The following AGBL1 variants were observed in gnomAD, a reference collection of about 807,000 sequenced individuals.
AGBL1 encodes cytosolic carboxypeptidase 4.
Under a neutral mutation model 118.9 loss-of-function variants are expected in AGBL1, and 130 were observed. The ratio of observed to expected loss-of-function variants is 1.09; its 90% CI spans 0.95 to 1.26. AGBL1 has a LOEUF of 1.26. Among genes scored for constraint, AGBL1 ranks in the 50% most tolerant of loss-of-function variants. The probability of loss-of-function intolerance (pLI) is 0.00; values close to 1 mark genes in which losing one functional copy is unlikely to be tolerated. For synonymous variants in AGBL1, 555 were observed against 478.9 expected (o/e 1.16, Z -2.08); for missense variants, 1,584 against 1,298.1 (o/e 1.22, Z -3.38).
rs1396925014 is a variant in AGBL1, at chr15:86,530,564, A to C, written c.2685+7625A>C. On this transcript the variant is annotated intron_variant, in intron 19 of 22. Coordinates refer to ENST00000614907, the MANE Select transcript of AGBL1 (RefSeq NM_001386094.1). Reference sequence around the variant, plus strand: ...AGACAGATCAATGAGACAGAAAGTCAACAAGGATACCCAGGAATTGAACTC... The same window carrying C: ...AGACAGATCAATGAGACAGAAAGTCCACAAGGATACCCAGGAATTGAACTC... Among the ~76,000 whole-genome samples, 12 of 147,402 alleles carry C rather than the reference A, an allele frequency of 8.1e-5. No homozygotes were observed. The East Asian group carries it at 2.4e-3, about 30-fold the overall frequency.
intron 18 of AGBL1, among the ~76,000 whole-genome samples, chr15:86,445,985 C>A (rs1188693254): frequency 3.3e-5 from 5 of 152,090 alleles, no homozygotes; most frequent in African/African-American, 4.8e-5. Flanking sequence ...TTCCTCAGAA[C>A]ACTTGAGATG....
At chr15:86,798,918 T>TG (rs2141344978) in intron 22 of AGBL1, among the ~76,000 whole-genome samples, 1 of 152,020 alleles carries the variant, frequency 6.6e-6, no homozygotes, top group South Asian at 2.1e-4. Flanking sequence ...CTTAAAGATT[T>TG]GGGGAAGAAG....
intron 22 of AGBL1, among the ~76,000 whole-genome samples, chr15:86,756,046 G>T (rs11073667): frequency 0.053 from 8,103 of 152,148 alleles, 545 homozygotes; most frequent in African/African-American, 0.15. Flanking sequence ...TTGGTTCTCA[G>T]TTGAGGTTAG....
rs1428708529 is a variant in AGBL1, at chr15:86,804,505, C to T, written c.3159-102582C>T. ...AAAAAACCCAAATCAAAAATAATAACAACAACAAATCTGGCCTCAGGAAAA... is the reference window on the plus strand; with the variant it reads ...AAAAAACCCAAATCAAAAATAATAATAACAACAAATCTGGCCTCAGGAAAA... On this transcript the variant is annotated intron_variant, in intron 22 of 22. Coordinates refer to ENST00000614907, the MANE Select transcript of AGBL1 (RefSeq NM_001386094.1). Among the ~76,000 whole-genome samples the T allele has an allele frequency of 3.3e-5, 5 of 152,038 alleles. No homozygotes were observed. In the East Asian group the frequency reaches 9.7e-4, roughly 29 times the overall value.
chr15:86,802,957 A>G (rs2078670331), intron 22 of AGBL1, among the ~76,000 whole-genome samples: 1 of 152,182 alleles, frequency 6.6e-6, no homozygotes, highest in Non-Finnish European at 1.5e-5. Context: ...GCAAATCACT[A>G]TGTGTGACCC....
At chr15:86,737,448 C>CT (rs914297185) in intron 22 of AGBL1, among the ~76,000 whole-genome samples, 1 of 152,168 alleles carries the variant, frequency 6.6e-6, no homozygotes. Flanking sequence ...GTTTCGTTTT[C>CT]TTTTAAATCA....
At chr15:86,921,315 G>C (rs1040858097) in intron 23 of AGBL1, among the ~76,000 whole-genome samples, 3 of 152,134 alleles carry the variant, frequency 2.0e-5, no homozygotes, top group Non-Finnish European at 4.4e-5. Flanking sequence ...AACAGAAAAT[G>C]GCCGTCAGAG....
chr15:86,449,690 G>C (rs1225510846), intron 18 of AGBL1, among the ~76,000 whole-genome samples: 1 of 152,164 alleles, frequency 6.6e-6, no homozygotes, highest in East Asian at 1.9e-4. Context: ...GTGTGGAGAA[G>C]GTAGGAAGCC....
intron 18 of AGBL1, among the ~76,000 whole-genome samples, chr15:86,443,623 C>T (rs1329247909): frequency 1.3e-5 from 2 of 152,152 alleles, no homozygotes; most frequent in Non-Finnish European, 2.9e-5. Context: ...CCTTCCCAGC[C>T]TCCGGTAACT....
chr15:86,666,233 C>T (rs1461348596), intron 21 of AGBL1, among the ~76,000 whole-genome samples: 1 of 152,078 alleles, frequency 6.6e-6, no homozygotes, highest in African/African-American at 2.4e-5. Flanking sequence ...GGATTTATCA[C>T]ATAACCCTTG....
intron 23 of AGBL1, among the ~76,000 whole-genome samples, chr15:86,930,223 G>A (rs1265310972): frequency 6.6e-6 from 1 of 152,142 alleles, no homozygotes; most frequent in African/African-American, 2.4e-5. Flanking sequence ...ACTGCTGATA[G>A]GGTGACTTCA....
intron 21 of AGBL1, among the ~76,000 whole-genome samples, chr15:86,641,570 C>G (rs1411138407): frequency 6.6e-6 from 1 of 152,016 alleles, no homozygotes; most frequent in East Asian, 1.9e-4. Flanking sequence ...AATATTTAAT[C>G]AATATATTGT....
chr15:86,092,494 T>TA (rs1293401335), intron 1 of AGBL1, among the ~76,000 whole-genome samples: 1 of 152,146 alleles, frequency 6.6e-6, no homozygotes, highest in African/African-American at 2.4e-5. Flanking sequence ...ATTTTTATTC[T>TA]AAAAATCAAT....
At chr15:86,662,823 T>A (rs2447256) in intron 21 of AGBL1, among the ~76,000 whole-genome samples, 116,449 of 152,138 alleles carry the variant, frequency 0.77, 45,160 homozygotes, top group Middle Eastern at 0.87. Flanking sequence ...TAACAAAAAC[T>A]ACTAGCCATT....
intron 21 of AGBL1, among the ~76,000 whole-genome samples, chr15:86,565,294 T>C (rs1403655806): frequency 6.6e-6 from 1 of 152,226 alleles, no homozygotes; most frequent in East Asian, 1.9e-4. Flanking sequence ...GATGGTGACG[T>C]ACAGATGGGG....
At chr15:86,479,347 A>C (rs1052237113) in intron 18 of AGBL1, among the ~76,000 whole-genome samples, 1 of 152,228 alleles carries the variant, frequency 6.6e-6, no homozygotes. Context: ...ACAAAGGGCT[A>C]ATATCCAGAA....
intron 5 of AGBL1, among the ~76,000 whole-genome samples, chr15:86,219,556 T>A (rs1171917526): frequency 5.3e-5 from 8 of 151,886 alleles, no homozygotes; most frequent in Non-Finnish European, 5.9e-5. Flanking sequence ...ACCCAAGCCC[T>A]CTAATTCCTA....
chr15:86,562,172 T>C (rs751837371), intron 21 of AGBL1, among the ~76,000 whole-genome samples: 6 of 152,172 alleles, frequency 3.9e-5, no homozygotes, highest in Non-Finnish European at 8.8e-5. Context: ...ATTGCCCTGG[T>C]CAGAACTTCC....
intron 22 of AGBL1, among the ~76,000 whole-genome samples, chr15:86,684,774 C>T (rs1035501386): frequency 3.0e-4 from 45 of 152,236 alleles, no homozygotes; most frequent in Non-Finnish European, 6.3e-4. Context: ...AGGGAATCTC[C>T]TTTCGGATCT....
Sources: gnomAD v4.1 joint callset for allele counts (sites outside exome capture counted in the v4.1 genomes callset) on GRCh38, gnomAD v4.1.1 for gene constraint, MANE v1.5 for transcripts, NCBI Gene and HGNC (gene_info 2026-07-23, HGNC 2026-07-21) for gene names.